Variants in ZC2HC1A observed in about 807,000 individuals in gnomAD.
ZC2HC1A encodes the protein zinc finger C2HC domain-containing protein 1A.
ZC2HC1A carries 28 observed loss-of-function variants against 40.7 expected under a neutral mutation model. The observed-to-expected ratio is 0.69, with a 90% CI of 0.51 to 0.94. The LOEUF (loss-of-function observed/expected upper bound fraction) is 0.94, where lower values mean the gene tolerates loss of function less well. ZC2HC1A is among the 40% of genes least tolerant of loss of function. The probability of loss-of-function intolerance (pLI) is 0.00; values close to 1 mark genes in which losing one functional copy is unlikely to be tolerated. For synonymous variants in ZC2HC1A, 129 were observed against 129.2 expected, an observed-to-expected ratio of 1.00 and a Z score of 0.01; for missense variants, 389 against 386.3, an observed-to-expected ratio of 1.01 and a Z score of -0.06.
intron 1 of ZC2HC1A, among the ~76,000 whole-genome samples, chr8:78,671,600 G>GA (rs1809440148): frequency 6.6e-6 from 1 of 152,092 alleles, no homozygotes; most frequent in African/African-American, 2.4e-5. Context: ...TTGATCCTCT[G>GA]AAATTTTAAA....
intron 8 of ZC2HC1A, 47 bp downstream of exon 8, chr8:78,715,375 A>G (rs1231473144): frequency 1.3e-6 from 2 of 1,517,190 alleles, no homozygotes; most frequent in African/African-American, 1.4e-5. Context: ...AATTGAGTAT[A>G]TGATAGTTTT....
chr8:78,687,829 G>A (rs1329699524), intron 4 of ZC2HC1A, among the ~76,000 whole-genome samples: 4 of 110,824 alleles, frequency 3.6e-5, no homozygotes, highest in Non-Finnish European at 3.5e-5. Context: ...ATATATTCAT[G>A]TAATAAATTA....
At position 78,675,848 on chromosome 8, in the gene ZC2HC1A, C is replaced by T. The variant is rs777650840; in HGVS notation, c.78C>T (p.Phe26=). ...CTTGCAAGATTTGTGGAAGAACATT[C>T]TTTCCAGTAGCATTAGTGAGTAGAC... is the stretch of plus-strand genomic sequence containing the variant. The part of the protein sequence containing the change: ...LLPCKICGRT[F]FPVALKKHGP... Residue 26 remains phenylalanine (F), a synonymous_variant, in exon 2 of 9, where the codon TTC becomes TTT. Coordinates refer to ENST00000263849, the MANE Select transcript of ZC2HC1A (RefSeq NM_016010.3). 21 of 1,611,172 alleles carry T rather than the reference C, an allele frequency of 1.3e-5. No homozygotes were observed. The highest frequency in any genetic ancestry group is 1.8e-5 in the Non-Finnish European group (21 of 1,178,122).
chr8:78,706,999 T>A (rs1810794504), intron 7 of ZC2HC1A, among the ~76,000 whole-genome samples: 1 of 152,228 alleles, frequency 6.6e-6, no homozygotes, highest in East Asian at 1.9e-4. Flanking sequence ...GATCAGGTAG[T>A]TGAAAAGTAA....
chr8:78,681,333 A>C (rs1809769814), intron 3 of ZC2HC1A, among the ~76,000 whole-genome samples: 1 of 152,224 alleles, frequency 6.6e-6, no homozygotes, highest in Non-Finnish European at 1.5e-5. Context: ...GATAAAAGAT[A>C]CTATGAGAAA....
rs10156320 is a variant in ZC2HC1A at position 78,692,494 on chromosome 8, C to A, written c.504+3121C>A. Among the ~76,000 whole-genome samples, 790 of 152,246 alleles carry A rather than the reference C, an allele frequency of 5.2e-3. 7 individuals are homozygous for A. Among genetic ancestry groups the A allele is most frequent in the African/African-American group, 0.018 (731 of 41,556 alleles). On this transcript the variant is annotated intron_variant, in intron 5 of 8. Transcript: ENST00000263849. ...TGGTAATGTTTGGTTGAAAACTAGA[C>A]ATGACATGGTAGGTAATATATAACA... is the stretch of plus-strand genomic sequence containing the variant.
chr8:78,692,163 C>CCAT (rs1467192274), intron 5 of ZC2HC1A, among the ~76,000 whole-genome samples: 1 of 152,196 alleles, frequency 6.6e-6, no homozygotes, highest in South Asian at 2.1e-4. Flanking sequence ...ACCCCTTTGA[C>CCAT]CATCATCATC....
At chr8:78,697,046 G>A (rs1440823405) in intron 5 of ZC2HC1A, among the ~76,000 whole-genome samples, 2 of 152,100 alleles carry the variant, frequency 1.3e-5, no homozygotes, top group African/African-American at 4.8e-5. Flanking sequence ...AGTCTAGTTT[G>A]GAAAACCTTT....
chr8:78,696,686 T>A (rs1810427630), intron 5 of ZC2HC1A, among the ~76,000 whole-genome samples: 1 of 152,212 alleles, frequency 6.6e-6, no homozygotes, highest in South Asian at 2.1e-4. Flanking sequence ...TAATTTAAGA[T>A]GGTCTGGTGA....
At chr8:78,669,814 C>T (rs1211570231) in intron 1 of ZC2HC1A, among the ~76,000 whole-genome samples, 4 of 151,834 alleles carry the variant, frequency 2.6e-5, no homozygotes, top group Non-Finnish European at 5.9e-5. Flanking sequence ...TCATTTTTTC[C>T]CTGTTAGATC....
At chr8:78,691,758 A>G (rs1473266062) in intron 5 of ZC2HC1A, among the ~76,000 whole-genome samples, 1 of 152,014 alleles carries the variant, frequency 6.6e-6, no homozygotes, top group African/African-American at 2.4e-5. Flanking sequence ...TGCATCTTTG[A>G]CTTACCCATA....
In ZC2HC1A at chr8:78,712,028, G is replaced by A. The variant is rs531383717; in HGVS notation, c.705-3193G>A. 3 of 1,289,718 alleles carry A rather than the reference G, an allele frequency of 2.3e-6. No homozygotes were observed. The Admixed American group carries it at 6.9e-5, about 30-fold the overall frequency. 79.9% of individuals were successfully genotyped at this position (1,289,718 alleles called of 1,614,324 possible). On this transcript the variant is annotated intron_variant, in intron 7 of 8. Transcript: ENST00000263849. Reference sequence around the variant, plus strand: ...TTAGGCCCTCCACTTCGAACGGGAAGACTTGTGCAAAGGTTGTATGACAGT... The same window carrying A: ...TTAGGCCCTCCACTTCGAACGGGAAAACTTGTGCAAAGGTTGTATGACAGT...
chr8:78,697,332 T>C (rs1810455083), intron 5 of ZC2HC1A, 75 bp from the exon 6 acceptor site: 5 of 1,200,426 alleles, frequency 4.2e-6, no homozygotes, highest in Non-Finnish European at 5.8e-6. Flanking sequence ...CAAAGAATGT[T>C]AAGTTTTGAA....
chr8:78,680,940 G>T (rs1809756789), intron 3 of ZC2HC1A, among the ~76,000 whole-genome samples: 1 of 152,194 alleles, frequency 6.6e-6, no homozygotes, highest in Non-Finnish European at 1.5e-5. Flanking sequence ...GGCTGAAATT[G>T]TATAAAAGTC....
At chr8:78,707,887 G>T (rs542998501) in intron 7 of ZC2HC1A, among the ~76,000 whole-genome samples, 101 of 148,148 alleles carry the variant, frequency 6.8e-4, no homozygotes, top group Non-Finnish European at 1.3e-3. Context: ...GTGAAGTAAT[G>T]ATTTGTTTCT....
intron 5 of ZC2HC1A, among the ~76,000 whole-genome samples, chr8:78,693,710 C>T (rs998540102): frequency 7.9e-5 from 12 of 152,088 alleles, no homozygotes; most frequent in African/African-American, 2.7e-4. Context: ...GTAGTTTCTT[C>T]TGCTGTGCAG....
chr8:78,711,924 A>T (rs1423353035), intron 7 of ZC2HC1A: 5 of 1,034,244 alleles, frequency 4.8e-6, no homozygotes, highest in African/African-American at 1.7e-5. Context: ...AATGTCTTTT[A>T]AAAAAACTTT....
At chr8:78,705,013 AT>A (rs1436535668) in intron 7 of ZC2HC1A, among the ~76,000 whole-genome samples, 1 of 152,016 alleles carries the variant, frequency 6.6e-6, no homozygotes, top group Non-Finnish European at 1.5e-5. Flanking sequence ...TTTTATCATG[AT>A]TTTTAGCTTC....
At chr8:78,709,014 C>G (rs571100724) in intron 7 of ZC2HC1A, among the ~76,000 whole-genome samples, 4 of 152,230 alleles carry the variant, frequency 2.6e-5, no homozygotes, top group African/African-American at 9.6e-5. Flanking sequence ...TACAGTGAAA[C>G]ACAGATCTTT....
Sources: gnomAD v4.1 joint callset for allele counts (sites outside exome capture counted in the v4.1 genomes callset) on GRCh38, gnomAD v4.1.1 for gene constraint, MANE v1.5 for transcripts, NCBI Gene and HGNC (gene_info 2026-07-23, HGNC 2026-07-21) for gene names.